THSD7B: variants seen among roughly 807,000 people sequenced by gnomAD.
The protein encoded by THSD7B is thrombospondin type-1 domain-containing protein 7B.
Under a neutral mutation model 213.6 loss-of-function variants are expected in THSD7B, and 138 were observed. The observed-to-expected ratio is 0.65, with a 90% CI of 0.56 to 0.74. The LOEUF (loss-of-function observed/expected upper bound fraction) is 0.74. Ranked by LOEUF, THSD7B falls within the 30% of genes least tolerant of loss-of-function variation. The pLI, the probability that THSD7B is intolerant of heterozygous loss-of-function variation, is 0.00. For missense variants in THSD7B, 1,931 were observed against 1,991.5 expected (o/e 0.97, Z 0.58); for synonymous variants, 742 against 687.0 (o/e 1.08, Z -1.25).
At chr2:136,861,740 C>A (rs963652076) in intron 1 of THSD7B, among the ~76,000 whole-genome samples, 1 of 152,138 alleles carries the variant, frequency 6.6e-6, no homozygotes, top group Non-Finnish European at 1.5e-5. Context: ...TATTGTATAA[C>A]AAATTACTTA....
intron 2 of THSD7B, among the ~76,000 whole-genome samples, chr2:136,958,732 A>G (rs1337033255): frequency 6.6e-6 from 1 of 152,126 alleles, no homozygotes; most frequent in Admixed American, 6.5e-5. Context: ...ACCCAGCCTG[A>G]TTTACAGGAG....
In THSD7B at chr2:136,950,028, C is replaced by T. The variant is rs141192070; in HGVS notation, c.139+67711C>T. Among the ~76,000 whole-genome samples, 73 of 152,174 alleles carry T rather than the reference C, an allele frequency of 4.8e-4. 3 individuals are homozygous for T. The East Asian group carries it at 0.012, about 26-fold the overall frequency. On this transcript the variant is annotated intron_variant, in intron 2 of 27. Transcript: ENST00000409968. ...TAGCACTTTGGGAGGCCGAGGTGAG[C>T]GGATCACGAGGTCAGGAGTTTGAGA...
intron 2 of THSD7B, among the ~76,000 whole-genome samples, chr2:136,919,696 C>T (rs1193054408): frequency 1.3e-5 from 2 of 152,318 alleles, no homozygotes; most frequent in African/African-American, 2.4e-5. Context: ...GGGCTTGTTC[C>T]ACCTGCTTGG....
At chr2:136,914,117 T>C (rs371912523) in intron 2 of THSD7B, among the ~76,000 whole-genome samples, 48 of 152,338 alleles carry the variant, frequency 3.2e-4, no homozygotes, top group African/African-American at 1.1e-3. Context: ...CAGCGTAACC[T>C]GGATGTGAGA....
chr2:137,244,071 G>T (rs565058682), intron 10 of THSD7B, among the ~76,000 whole-genome samples: 5 of 152,140 alleles, frequency 3.3e-5, no homozygotes, highest in South Asian at 2.1e-4. Flanking sequence ...GTGTAATGTC[G>T]TTTCAAAGCA....
In THSD7B at chr2:136,943,824, A is replaced by G. The variant is rs549886369; in HGVS notation, c.139+61507A>G. 4.3e-4 allele frequency among the ~76,000 whole-genome samples: 65 copies of G among 152,214 alleles called. 1 individual carries two copies. Among genetic ancestry groups the G allele is most frequent in the African/African-American group, 1.2e-3 (51 of 41,538 alleles). ...TCTGTCAATTTCATTGATCTTTTCA[A>G]AAAACCAGCTCCTCGATTCATTGAT... On this transcript the variant is annotated intron_variant, in intron 2 of 27. Coordinates refer to ENST00000409968, the MANE Select transcript of THSD7B (RefSeq NM_001316349.2).
intron 17 of THSD7B, among the ~76,000 whole-genome samples, chr2:137,603,613 AC>A (rs1348853533): frequency 2.6e-5 from 4 of 152,188 alleles, no homozygotes; most frequent in Admixed American, 2.0e-4. Context: ...CACTTGAAGT[AC>A]TTGACATCCA....
chr2:137,628,339 T>G (rs1682674614), intron 20 of THSD7B, among the ~76,000 whole-genome samples: 1 of 152,244 alleles, frequency 6.6e-6, no homozygotes, highest in Non-Finnish European at 1.5e-5. Context: ...CAAGTGTTTT[T>G]ATATTGACAT....
chr2:137,131,676 T>G lies in THSD7B; in HGVS notation c.1369+16383T>G, dbSNP rs139290414. Among the ~76,000 whole-genome samples the G allele has an allele frequency of 4.2e-3, 639 of 152,260 alleles. 3 individuals are homozygous for G. The highest frequency in any genetic ancestry group is 0.015 in the African/African-American group (612 of 41,566). The stretch of plus-strand genomic sequence containing the variant: ...GCTTGTTTTTGTCAGATTTGTCAAA[T>G]ATCAGATAGTTGTAGATATGCAGCG... On this transcript the variant is annotated intron_variant, in intron 5 of 27. Transcript: ENST00000409968.
At chr2:137,531,421 G>T (rs1038472221) in intron 15 of THSD7B, among the ~76,000 whole-genome samples, 41 of 151,824 alleles carry the variant, frequency 2.7e-4, no homozygotes, top group African/African-American at 9.9e-4. Context: ...TAGCACTCAG[G>T]GTGAGAACTG....
chr2:137,221,753 A>T (rs1408783315), intron 7 of THSD7B, among the ~76,000 whole-genome samples: 1 of 152,208 alleles, frequency 6.6e-6, no homozygotes, highest in Non-Finnish European at 1.5e-5. Context: ...CATTAAAGTT[A>T]TGTTTCTGAA....
intron 3 of THSD7B, among the ~76,000 whole-genome samples, chr2:137,074,710 G>A (rs1687578846): frequency 6.6e-6 from 1 of 152,124 alleles, no homozygotes; most frequent in Non-Finnish European, 1.5e-5. Flanking sequence ...GCATGTTTTT[G>A]CAGTGGCTGG....
At chr2:137,258,832 A>C (rs1288280870) in intron 10 of THSD7B, among the ~76,000 whole-genome samples, 4 of 148,800 alleles carry the variant, frequency 2.7e-5, no homozygotes, top group African/African-American at 9.9e-5. Flanking sequence ...CCTCCCTCCC[A>C]TGTCCCCCCC....
At chr2:137,631,294 T>G (rs1281756591) in intron 20 of THSD7B, among the ~76,000 whole-genome samples, 1 of 152,192 alleles carries the variant, frequency 6.6e-6, no homozygotes, top group African/African-American at 2.4e-5. Context: ...CTCTTGAATT[T>G]TCATCAGTTT....
chr2:137,474,554 C>T (rs1688158029), intron 15 of THSD7B, among the ~76,000 whole-genome samples: 1 of 152,166 alleles, frequency 6.6e-6, no homozygotes, highest in Admixed American at 6.5e-5. Context: ...GTTTAAACCT[C>T]TGGATCATAA....
In THSD7B at chr2:137,572,403, C is replaced by T; in HGVS notation, c.3273-3C>T. On this transcript the variant is annotated splice_region_variant and splice_polypyrimidine_tract_variant and intron_variant, in intron 16 of 27. Transcript: ENST00000409968. ...CAAACTATCTTGTGACCTTGCTTTA[C>T]AGATGTGTGAATACTGCGGATGGTG... is the stretch of plus-strand genomic sequence containing the variant. 6.2e-7 allele frequency: 1 copy of T among 1,613,672 alleles called. No homozygotes were observed. Among genetic ancestry groups the T allele is most frequent in the Non-Finnish European group, 8.5e-7 (1 of 1,179,710 alleles).
At chr2:137,588,792 A>G (rs543135941) in intron 17 of THSD7B, among the ~76,000 whole-genome samples, 2 of 148,096 alleles carry the variant, frequency 1.4e-5, no homozygotes, top group Non-Finnish European at 3.0e-5. Context: ...TTATTTATTT[A>G]TTTATTTTTC....
chr2:137,641,436 G>A (rs1172832857), intron 20 of THSD7B, among the ~76,000 whole-genome samples: 2 of 152,174 alleles, frequency 1.3e-5, no homozygotes, highest in African/African-American at 2.4e-5. Context: ...TGCTTCCACA[G>A]AACCCTGTTT....
intron 17 of THSD7B, among the ~76,000 whole-genome samples, chr2:137,606,996 G>A (rs1255962966): frequency 1.3e-5 from 2 of 152,112 alleles, no homozygotes. Flanking sequence ...GATGCTCCCA[G>A]TCTAGGGGCC....
Sources: gnomAD v4.1 joint callset for allele counts (sites outside exome capture counted in the v4.1 genomes callset) on GRCh38, gnomAD v4.1.1 for gene constraint, MANE v1.5 for transcripts, NCBI Gene and HGNC (gene_info 2026-07-23, HGNC 2026-07-21) for gene names.